TBC1D22A: variants seen among roughly 807,000 people sequenced by gnomAD.
TBC1D22A encodes the protein putative GTPase activator.
TBC1D22A carries 38 observed loss-of-function variants against 60.2 expected under a neutral mutation model. That is an observed-to-expected ratio of 0.63 (90% CI 0.49 to 0.83). TBC1D22A has a LOEUF of 0.83. Ranked by LOEUF, TBC1D22A falls within the 40% of genes least tolerant of loss-of-function variation. TBC1D22A has a pLI of 0.00. For synonymous variants in TBC1D22A, 302 were observed against 281.7 expected (o/e 1.07, Z -0.72); for missense variants, 628 against 701.0 (o/e 0.90, Z 1.18).
chr22:46,851,777 T>C (rs574019899), intron 4 of TBC1D22A, among the ~76,000 whole-genome samples: 1 of 152,338 alleles, frequency 6.6e-6, no homozygotes, highest in African/African-American at 2.4e-5. Flanking sequence ...TTGACTGTGG[T>C]TGGCAGGGCT....
intron 5 of TBC1D22A, among the ~76,000 whole-genome samples, chr22:46,887,645 G>A (rs995885206): frequency 2.0e-5 from 3 of 152,196 alleles, no homozygotes; most frequent in African/African-American, 7.2e-5. Context: ...AATGAAAGCA[G>A]CCAGACAGAA....
chr22:46,961,583 T>C (rs1017226594), intron 8 of TBC1D22A, among the ~76,000 whole-genome samples: 2 of 152,234 alleles, frequency 1.3e-5, no homozygotes, highest in Non-Finnish European at 2.9e-5. Context: ...CATTTCATGC[T>C]TGCGGCCTTG....
intron 12 of TBC1D22A, among the ~76,000 whole-genome samples, chr22:47,143,283 G>C (rs2147150790): frequency 1.3e-5 from 2 of 152,314 alleles, no homozygotes; most frequent in South Asian, 4.1e-4. Context: ...ACGGAGACCT[G>C]ACAGCAACTT....
intron 11 of TBC1D22A, among the ~76,000 whole-genome samples, chr22:47,078,966 G>C (rs1429990894): frequency 6.6e-6 from 1 of 152,102 alleles, no homozygotes; most frequent in Admixed American, 6.6e-5. Flanking sequence ...CCTCAACTGT[G>C]CAGAGCTTCT....
intron 4 of TBC1D22A, among the ~76,000 whole-genome samples, chr22:46,852,946 C>T (rs1217587707): frequency 6.6e-6 from 1 of 152,180 alleles, no homozygotes; most frequent in African/African-American, 2.4e-5. Context: ...GTTTGGGTCC[C>T]CTGGCGCTCT....
chr22:46,925,506 T>C (rs756218825), intron 8 of TBC1D22A, among the ~76,000 whole-genome samples: 13 of 152,272 alleles, frequency 8.5e-5, no homozygotes, highest in African/African-American at 1.2e-4. Flanking sequence ...TGTAATGGAC[T>C]TACTGTTTAA....
rs148450942 is a variant in TBC1D22A, at chr22:46,906,779, CTG to C, written c.901-5275_901-5274del. Among the ~76,000 whole-genome samples the C allele has an allele frequency of 9.4e-3, 1,395 of 148,540 alleles. 17 individuals are homozygous for C. Among genetic ancestry groups the C allele is most frequent in the Non-Finnish European group, 8.1e-3 (543 of 66,772 alleles). On this transcript the variant is annotated intron_variant, in intron 7 of 12. Coordinates refer to ENST00000337137, the MANE Select transcript of TBC1D22A (RefSeq NM_014346.5). Reference sequence around the variant, plus strand: ...GTGTGTGTCCCAGATGGACCCTGAACTGTGTGTGTGTGTGTGTGTGTATGTGT... The same window carrying C: ...GTGTGTGTCCCAGATGGACCCTGAACTGTGTGTGTGTGTGTGTGTATGTGT...
chr22:46,782,243 C>T (rs961785535), intron 1 of TBC1D22A, among the ~76,000 whole-genome samples: 5 of 152,190 alleles, frequency 3.3e-5, no homozygotes, highest in African/African-American at 9.6e-5. Context: ...TTAGTAGAGA[C>T]GAGGTTTCAC....
chr22:47,107,708 T>TA (rs1163577922), intron 11 of TBC1D22A, among the ~76,000 whole-genome samples: 1 of 152,138 alleles, frequency 6.6e-6, no homozygotes, highest in Non-Finnish European at 1.5e-5. Flanking sequence ...TTCTAAAACT[T>TA]ACACAGAAAT....
chr22:46,830,740 G>T (rs2086272798), intron 4 of TBC1D22A, among the ~76,000 whole-genome samples: 1 of 152,224 alleles, frequency 6.6e-6, no homozygotes, highest in African/African-American at 2.4e-5. Flanking sequence ...TTGAATCTGG[G>T]AAGTAATGTG....
chr22:47,087,193 A>G (rs1195100799), intron 11 of TBC1D22A, among the ~76,000 whole-genome samples: 1 of 152,268 alleles, frequency 6.6e-6, no homozygotes, highest in Non-Finnish European at 1.5e-5. Flanking sequence ...ATTTGCTTAT[A>G]TTACAAACCA....
Position 46,954,153 on chromosome 22 carries a change from TAGCAAGTCCACAGG to T in TBC1D22A, c.1016-20136_1016-20123del, listed in dbSNP as rs572040941. ...GCACTAGAGTCAGACAGGTCCACAGTAGCAAGTCCACAGGGCCCATAGGCACTAGAGTCAGACAG... is the reference window on the plus strand; with the variant it reads ...GCACTAGAGTCAGACAGGTCCACAGTGCCCATAGGCACTAGAGTCAGACAG... On this transcript the variant is annotated intron_variant, in intron 8 of 12. Coordinates refer to ENST00000337137, the MANE Select transcript of TBC1D22A (RefSeq NM_014346.5). Among the ~76,000 whole-genome samples, 572 of 152,220 alleles carry T rather than the reference TAGCAAGTCCACAGG, an allele frequency of 3.8e-3. 3 individuals are homozygous for T. Among genetic ancestry groups the T allele is most frequent in the African/African-American group, 0.013 (544 of 41,508 alleles).
rs532176063 is a variant in TBC1D22A at position 47,059,481 on chromosome 22, T to C, written c.1329+22283T>C. ...GCTGCATGTAAAAGTTTTAAAGTTT[T>C]CTCCTGAGCACTAAATTGGGAGCGT... On this transcript the variant is annotated intron_variant, in intron 11 of 12. Transcript: ENST00000337137. Among the ~76,000 whole-genome samples, 4 of 152,304 alleles carry C rather than the reference T, an allele frequency of 2.6e-5. No individual in the cohort carries two copies. The East Asian group carries it at 7.7e-4, about 29-fold the overall frequency.
At chr22:46,845,679 T>A (rs2086958755) in intron 4 of TBC1D22A, among the ~76,000 whole-genome samples, 1 of 152,266 alleles carries the variant, frequency 6.6e-6, no homozygotes, top group African/African-American at 2.4e-5. Flanking sequence ...ATGTAGCGAT[T>A]TACAGTAATC....
intron 7 of TBC1D22A, among the ~76,000 whole-genome samples, chr22:46,907,289 T>A (rs1424867697): frequency 6.6e-6 from 1 of 152,224 alleles, no homozygotes; most frequent in East Asian, 1.9e-4. Context: ...ATCTTCCCTG[T>A]CCCTTTCAAT....
intron 4 of TBC1D22A, among the ~76,000 whole-genome samples, chr22:46,854,667 C>G (rs2087475822): frequency 6.6e-6 from 1 of 152,194 alleles, no homozygotes; most frequent in Admixed American, 6.5e-5. Context: ...AGCTTCCCAG[C>G]AAGTCTCCTT....
rs2083153152 is a variant in TBC1D22A, at chr22:46,762,979, G to T, written c.62+131G>T. The T allele has an allele frequency of 3.6e-6, 3 of 828,406 alleles. No homozygotes were observed. The South Asian group carries it at 5.9e-5, about 16-fold the overall frequency. 51.3% of individuals were successfully genotyped at this position (828,406 alleles called of 1,614,324 possible). ...TGGACTCTGAGGAGACTGCTGGATG[G>T]TGTGACGGGCGTTGGGGGGCTCGGA... is the stretch of plus-strand genomic sequence containing the variant. On this transcript the variant is annotated intron_variant, in intron 1 of 12. Coordinates refer to ENST00000337137, the MANE Select transcript of TBC1D22A (RefSeq NM_014346.5).
intron 11 of TBC1D22A, among the ~76,000 whole-genome samples, chr22:47,090,893 G>T (rs1419577207): frequency 8.6e-6 from 1 of 116,430 alleles, no homozygotes; most frequent in East Asian, 2.9e-4. Flanking sequence ...ATAGAGACAG[G>T]CAGGAGAAGT....
chr22:47,125,278 C>T (rs2066414794), intron 12 of TBC1D22A, among the ~76,000 whole-genome samples: 1 of 152,214 alleles, frequency 6.6e-6, no homozygotes, highest in Admixed American at 6.5e-5. Context: ...TTCCCAGTGT[C>T]TTCCAGAACA....
Sources: gnomAD v4.1 joint callset for allele counts (sites outside exome capture counted in the v4.1 genomes callset) on GRCh38, gnomAD v4.1.1 for gene constraint, MANE v1.5 for transcripts, NCBI Gene and HGNC (gene_info 2026-07-23, HGNC 2026-07-21) for gene names.